SYT9: variants seen among roughly 807,000 people sequenced by gnomAD.
SYT9 encodes synaptotagmin-9.
A neutral mutation model predicts 48.4 loss-of-function variants in SYT9; 22 were observed. That is an observed-to-expected ratio of 0.45 (90% CI 0.32 to 0.65). SYT9 has a LOEUF of 0.65. Ranked by LOEUF, SYT9 falls within the 30% of genes least tolerant of loss-of-function variation. SYT9 has a pLI of 0.03. For synonymous variants in SYT9, 265 were observed against 245.0 expected, an observed-to-expected ratio of 1.08 and a Z score of -0.76; for missense variants, 577 against 622.0, an observed-to-expected ratio of 0.93 and a Z score of 0.77.
chr11:7,379,351 C>T (rs1280418792), intron 3 of SYT9, among the ~76,000 whole-genome samples: 1 of 152,152 alleles, frequency 6.6e-6, no homozygotes, highest in Non-Finnish European at 1.5e-5. Context: ...AAGGCTTCAC[C>T]TCCTTTTTCC....
At chr11:7,286,082 A>C (rs913287500) in intron 1 of SYT9, among the ~76,000 whole-genome samples, 3 of 152,158 alleles carry the variant, frequency 2.0e-5, no homozygotes, top group African/African-American at 7.2e-5. Context: ...CCCTCTTCTC[A>C]CAGATCCACT....
At chr11:7,446,220 C>A (rs984976214) in intron 6 of SYT9, among the ~76,000 whole-genome samples, 1 of 152,204 alleles carries the variant, frequency 6.6e-6, no homozygotes, top group African/African-American at 2.4e-5. Flanking sequence ...TATCAAGTCT[C>A]TATGTTCAAG....
chr11:7,276,758 T>C (rs1848400270), intron 1 of SYT9, among the ~76,000 whole-genome samples: 1 of 152,042 alleles, frequency 6.6e-6, no homozygotes, highest in South Asian at 2.1e-4. Context: ...CTTAAAACAT[T>C]ATCTGCCAGC....
At chr11:7,464,447 A>C (rs1370256231) in intron 6 of SYT9, among the ~76,000 whole-genome samples, 1 of 152,234 alleles carries the variant, frequency 6.6e-6, no homozygotes. Flanking sequence ...CTTGGGTTTA[A>C]ATCTCAGCTC....
chr11:7,442,051 A>C (rs1847838264), intron 6 of SYT9, among the ~76,000 whole-genome samples: 1 of 152,110 alleles, frequency 6.6e-6, no homozygotes, highest in Non-Finnish European at 1.5e-5. Context: ...AAGCCAGCAC[A>C]GACACCACAG....
At chr11:7,362,890 T>A (rs971377290) in intron 3 of SYT9, among the ~76,000 whole-genome samples, 3 of 151,614 alleles carry the variant, frequency 2.0e-5, no homozygotes, top group Non-Finnish European at 4.4e-5. Context: ...GATTTTTTGC[T>A]TTCTAGTTAA....
chr11:7,442,474 G>A lies in SYT9; in HGVS notation c.1467+21839G>A, dbSNP rs570897070. On this transcript the variant is annotated intron_variant, in intron 6 of 6. Coordinates refer to ENST00000318881, the MANE Select transcript of SYT9 (RefSeq NM_175733.4). ...TCCCAGAGAGCTCAGCACAGGACTC[G>A]TGCTGCCAACACTGTGACTCTAGAC... Among the ~76,000 whole-genome samples, 13 of 152,164 alleles carry A rather than the reference G, an allele frequency of 8.5e-5. No homozygotes were observed. The South Asian group carries it at 1.2e-3, about 15-fold the overall frequency.
At chr11:7,311,021 G>A (rs1849123383) in intron 2 of SYT9, among the ~76,000 whole-genome samples, 1 of 152,176 alleles carries the variant, frequency 6.6e-6, no homozygotes, top group African/African-American at 2.4e-5. Context: ...AAACTATGGT[G>A]GCCAGGCACA....
intron 3 of SYT9, among the ~76,000 whole-genome samples, chr11:7,314,508 T>A (rs1458593013): frequency 6.6e-6 from 1 of 152,160 alleles, no homozygotes; most frequent in African/African-American, 2.4e-5. Context: ...AAACTATAGA[T>A]AATGGCAAAA....
intron 3 of SYT9, among the ~76,000 whole-genome samples, chr11:7,334,531 T>C (rs1323166444): frequency 6.6e-6 from 1 of 152,186 alleles, no homozygotes; most frequent in African/African-American, 2.4e-5. Context: ...ATTTGACATA[T>C]ATATACATTT....
chr11:7,398,735 G>A (rs1403227346), intron 3 of SYT9, among the ~76,000 whole-genome samples: 1 of 152,118 alleles, frequency 6.6e-6, no homozygotes, highest in Admixed American at 6.5e-5. Flanking sequence ...AAATCTGCAA[G>A]GCTTCAAAAT....
At chr11:7,262,109 G>A (rs1361793762) in intron 1 of SYT9, among the ~76,000 whole-genome samples, 1 of 152,088 alleles carries the variant, frequency 6.6e-6, no homozygotes, top group Non-Finnish European at 1.5e-5. Context: ...TAGCAGTGGA[G>A]ATAGTAGGAG....
At chr11:7,259,597 C>T (rs1266400727) in intron 1 of SYT9, among the ~76,000 whole-genome samples, 1 of 151,994 alleles carries the variant, frequency 6.6e-6, no homozygotes, top group Non-Finnish European at 1.5e-5. Flanking sequence ...TAAACAGCTG[C>T]TTAGTTGTTT....
At chr11:7,376,283 T>C (rs762979656) in intron 3 of SYT9, among the ~76,000 whole-genome samples, 2 of 151,362 alleles carry the variant, frequency 1.3e-5, no homozygotes, top group Non-Finnish European at 2.9e-5. Flanking sequence ...CTTCTCTTTC[T>C]CTCTTTTTCT....
At chr11:7,407,020 C>G (rs1171864590) in intron 3 of SYT9, among the ~76,000 whole-genome samples, 1 of 151,996 alleles carries the variant, frequency 6.6e-6, no homozygotes, top group Non-Finnish European at 1.5e-5. Context: ...CTATTCATGT[C>G]TTTTGCCCAC....
chr11:7,389,898 TTGTGA>T (rs1850730863), intron 3 of SYT9, among the ~76,000 whole-genome samples: 2 of 152,126 alleles, frequency 1.3e-5, no homozygotes, highest in African/African-American at 4.8e-5. Flanking sequence ...CAAGAAGACT[TTGTGA>T]TGTAAAATGA....
intron 3 of SYT9, among the ~76,000 whole-genome samples, chr11:7,317,936 T>C (rs535207461): frequency 1.3e-5 from 2 of 152,250 alleles, no homozygotes; most frequent in Non-Finnish European, 2.9e-5. Flanking sequence ...TGGCTGGTAC[T>C]TGACTTTTCT....
At chr11:7,335,698 A>G (rs1432477830) in intron 3 of SYT9, among the ~76,000 whole-genome samples, 1 of 152,030 alleles carries the variant, frequency 6.6e-6, no homozygotes, top group Non-Finnish European at 1.5e-5. Context: ...TTATGGCTGC[A>G]TAGTATTCTG....
In SYT9 at chr11:7,317,022, GT is replaced by G. The variant is rs369535162; in HGVS notation, c.1044+3085del. ...GATGCAAATCCCTTGTTGGTTATGT[GT>G]TTTACAAACATCATCTCTCAGTTTA... is the stretch of plus-strand genomic sequence containing the variant. On this transcript the variant is annotated intron_variant, in intron 3 of 6. Transcript: ENST00000318881. Among the ~76,000 whole-genome samples the G allele has an allele frequency of 1.5e-3, 225 of 152,230 alleles. 1 individual carries two copies. The highest frequency in any genetic ancestry group is 5.3e-3 in the African/African-American group (219 of 41,534).
Sources: allele counts gnomAD v4.1 joint callset (sites outside exome capture counted in the v4.1 genomes callset), GRCh38; gene constraint gnomAD v4.1.1; transcripts MANE v1.5; gene names NCBI Gene and HGNC (gene_info 2026-07-23, HGNC 2026-07-21).